The following COL22A1 variants were observed in gnomAD, a reference collection of about 807,000 sequenced individuals.
COL22A1 encodes the protein collagen type XXII alpha 1 chain.
COL22A1 carries 221 observed loss-of-function variants against 248.9 expected under a neutral mutation model. The ratio of observed to expected loss-of-function variants is 0.89; its 90% CI spans 0.80 to 0.99. COL22A1 has a LOEUF of 0.99. Ranked by LOEUF, COL22A1 falls within the 50% of genes least tolerant of loss-of-function variation. The probability of loss-of-function intolerance (pLI) is 0.00; values close to 1 mark genes in which losing one functional copy is unlikely to be tolerated. For missense variants in COL22A1, 2,240 were observed against 2,179.0 expected, an observed-to-expected ratio of 1.03 and a Z score of -0.56; for synonymous variants, 891 against 793.4, an observed-to-expected ratio of 1.12 and a Z score of -2.07.
intron 6 of COL22A1, 137 bp downstream of exon 6, chr8:138,826,521 C>T: frequency 1.2e-6 from 1 of 869,220 alleles, no homozygotes; most frequent in Non-Finnish European, 1.8e-6. Flanking sequence ...GTCCTCTGAG[C>T]CTCCATACGC....
chr8:138,849,763 G>C (rs2131895118), intron 3 of COL22A1, among the ~76,000 whole-genome samples: 1 of 152,280 alleles, frequency 6.6e-6, no homozygotes, highest in East Asian at 1.9e-4. Context: ...CCAAGGCTCA[G>C]AGAGGTTAAG....
intron 31 of COL22A1, among the ~76,000 whole-genome samples, chr8:138,703,020 C>G (rs1310955922): frequency 6.6e-6 from 1 of 152,234 alleles, no homozygotes; most frequent in East Asian, 1.9e-4. Context: ...TGCTTCTTGT[C>G]TCTGGACCTC....
intron 1 of COL22A1, among the ~76,000 whole-genome samples, chr8:138,894,606 C>A (rs1478983859): frequency 6.6e-6 from 1 of 152,050 alleles, no homozygotes; most frequent in Non-Finnish European, 1.5e-5. Context: ...GTCTACAGCT[C>A]AGAAAAGAAA....
At chr8:138,830,747 G>A (rs1819979613) in intron 5 of COL22A1, among the ~76,000 whole-genome samples, 1 of 152,058 alleles carries the variant, frequency 6.6e-6, no homozygotes, top group East Asian at 1.9e-4. Flanking sequence ...TCTTTATTTT[G>A]TTCCTTCTCT....
intron 47 of COL22A1, among the ~76,000 whole-genome samples, chr8:138,643,609 T>TATAGATAGTAGATAGATAG (rs1821911371): frequency 6.8e-6 from 1 of 146,528 alleles, no homozygotes; most frequent in African/African-American, 2.6e-5. Flanking sequence ...CCCTATGCAA[T>TATAGATAGTAGATAGATAG]ATAGATAGAT....
intron 4 of COL22A1, among the ~76,000 whole-genome samples, chr8:138,835,734 T>C (rs1320683672): frequency 6.6e-6 from 1 of 152,150 alleles, no homozygotes; most frequent in Non-Finnish European, 1.5e-5. Context: ...ACCCAGATAC[T>C]CCTGACTGAA....
chr8:138,685,196 C>T lies in COL22A1; in HGVS notation c.2967+12G>A, dbSNP rs774717065. 3.8e-6 allele frequency: 6 copies of T among 1,575,580 alleles called. No homozygotes were observed. In the East Asian group the frequency reaches 1.1e-4, roughly 29 times the overall value. On this transcript the variant is annotated intron_variant, in intron 38 of 64. Coordinates refer to ENST00000303045, the MANE Select transcript of COL22A1 (RefSeq NM_152888.3). Reference sequence around the variant, plus strand: ...TTTCTACAGGCACTGGGACCCCCGACCTTCCACTTACCGGCTCTCCATCCT... The same window carrying T: ...TTTCTACAGGCACTGGGACCCCCGATCTTCCACTTACCGGCTCTCCATCCT...
chr8:138,623,405 T>C (rs1819984850), intron 52 of COL22A1, among the ~76,000 whole-genome samples: 1 of 151,656 alleles, frequency 6.6e-6, no homozygotes, highest in Non-Finnish European at 1.5e-5. Context: ...TACTTCAGCT[T>C]CCTCTATCAC....
intron 47 of COL22A1, 70 bp downstream of exon 47, chr8:138,646,559 C>T: frequency 4.8e-6 from 6 of 1,249,832 alleles, no homozygotes; most frequent in Non-Finnish European, 4.4e-6. Context: ...CATCACTCTT[C>T]CTTAAATTGA....
rs1486365483 is a variant in COL22A1 at position 138,716,244 on chromosome 8, C to T, written c.2446G>A (p.Gly816Arg). The T allele has an allele frequency of 1.9e-6, 3 of 1,589,822 alleles. No individual in the cohort carries two copies. Among genetic ancestry groups the T allele is most frequent in the South Asian group, 2.3e-5 (2 of 87,256 alleles). ...ACACTTACCTGGTCTCCTTTCTCTC[C>T]TCTCACACCTGGGAAGCCTGGAGCC... Reference protein sequence around the residue: ...PGAPGFPGVRGEKGDQGEKGE... With the variant: ...PGAPGFPGVRREKGDQGEKGE... Residue 816 changes from glycine to arginine, a missense_variant, in exon 29 of 65, where the codon GGA becomes AGA. Gly to Arg is a moderately radical substitution (Grantham distance 125). Coordinates refer to ENST00000303045, the MANE Select transcript of COL22A1 (RefSeq NM_152888.3).
At chr8:138,754,178 T>G (rs1832815630) in intron 21 of COL22A1, among the ~76,000 whole-genome samples, 1 of 152,210 alleles carries the variant, frequency 6.6e-6, no homozygotes. Context: ...ATAATAGATC[T>G]GAAATATACA....
chr8:138,698,597 G>A lies in COL22A1; in HGVS notation c.2592+1515C>T, dbSNP rs183153251. Among the ~76,000 whole-genome samples the A allele has an allele frequency of 1.8e-3, 267 of 152,280 alleles. 3 individuals are homozygous for A. The highest frequency in any genetic ancestry group is 3.9e-3 in the South Asian group (19 of 4,824). On this transcript the variant is annotated intron_variant, in intron 32 of 64. Transcript: ENST00000303045. ...CATGCAGTGAGCGACAGCCCTACAGGTGAGGGAGGTGCTGCCTCCTCATGC... is the reference window on the plus strand; with the variant it reads ...CATGCAGTGAGCGACAGCCCTACAGATGAGGGAGGTGCTGCCTCCTCATGC...
intron 11 of COL22A1, among the ~76,000 whole-genome samples, chr8:138,798,657 A>G (rs1457475403): frequency 1.3e-5 from 2 of 152,144 alleles, no homozygotes; most frequent in Non-Finnish European, 2.9e-5. Flanking sequence ...GTTATACCTA[A>G]CTTGCCATCC....
intron 10 of COL22A1, among the ~76,000 whole-genome samples, chr8:138,805,079 T>TAGTGTAGG (rs1490469579): frequency 1.0e-5 from 1 of 95,524 alleles, no homozygotes; most frequent in Non-Finnish European, 2.0e-5. Flanking sequence ...GTGTGTGTGT[T>TAGTGTAGG]AGTGTAGGTA....
intron 11 of COL22A1, 91 bp from the exon 12 acceptor site, chr8:138,796,948 AT>A: frequency 1.1e-6 from 1 of 893,602 alleles, no homozygotes; most frequent in Non-Finnish European, 1.9e-6. Context: ...ATTTGAAAGG[AT>A]TAGATATTTT....
chr8:138,863,494 G>T (rs1822640466), intron 3 of COL22A1, among the ~76,000 whole-genome samples: 2 of 152,160 alleles, frequency 1.3e-5, no homozygotes. Context: ...TGGGGGCCTA[G>T]GGGTACATGG....
At chr8:138,737,181 C>T (rs946006033) in intron 23 of COL22A1, among the ~76,000 whole-genome samples, 8 of 152,184 alleles carry the variant, frequency 5.3e-5, no homozygotes, top group Non-Finnish European at 1.0e-4. Context: ...TCTGCCAAGG[C>T]GAGACAAGCC....
intron 59 of COL22A1, 60 bp downstream of exon 59, chr8:138,604,674 C>T (rs976058169): frequency 6.8e-6 from 10 of 1,475,402 alleles, no homozygotes; most frequent in Non-Finnish European, 8.5e-6. Context: ...CCTGAGCCTG[C>T]ATAGACTGCC....
chr8:138,703,450 G>A (rs1387824238), intron 30 of COL22A1, 103 bp from the exon 31 acceptor site: 1 of 1,103,482 alleles, frequency 9.1e-7, no homozygotes, highest in Admixed American at 1.8e-5. Context: ...AACAGAAGGT[G>A]TTGTCTTCTG....
Sources: gnomAD v4.1 joint callset for allele counts (sites outside exome capture counted in the v4.1 genomes callset) on GRCh38, gnomAD v4.1.1 for gene constraint, MANE v1.5 for transcripts, NCBI Gene and HGNC (gene_info 2026-07-23, HGNC 2026-07-21) for gene names.